The following BRD7 variants were observed in gnomAD, a reference collection of about 807,000 sequenced individuals.
BRD7 encodes the protein bromodomain containing 7.
Under a neutral mutation model 82.1 loss-of-function variants are expected in BRD7, and 15 were observed. The observed-to-expected ratio is 0.18, with a 90% confidence interval of 0.12 to 0.28. The LOEUF (loss-of-function observed/expected upper bound fraction) is 0.28, where lower values mean the gene tolerates loss of function less well. Among genes scored for constraint, BRD7 ranks in the 10% least tolerant of loss-of-function variants. The pLI is 1.00. For missense variants in BRD7, 638 were observed against 779.9 expected (o/e 0.82, Z 2.17); for synonymous variants, 232 against 266.9 (o/e 0.87, Z 1.27).
At chr16:50,331,609 G>A (rs1177931160) in intron 8 of BRD7, among the ~76,000 whole-genome samples, 1 of 152,218 alleles carries the variant, frequency 6.6e-6, no homozygotes, top group Non-Finnish European at 1.5e-5. Flanking sequence ...GGCTGAGGCA[G>A]GAGAATTGCT....
chr16:50,323,924 T>C (rs553996407), intron 11 of BRD7, among the ~76,000 whole-genome samples: 4 of 152,282 alleles, frequency 2.6e-5, no homozygotes. Context: ...GAAACCTCAG[T>C]GACGGGTGCA....
At chr16:50,366,426 T>C (rs1301562068) in intron 2 of BRD7, among the ~76,000 whole-genome samples, 1 of 152,254 alleles carries the variant, frequency 6.6e-6, no homozygotes, top group Non-Finnish European at 1.5e-5. Flanking sequence ...ATGAGTTTCA[T>C]AAATCTTAGA....
rs1402107779 is a variant in BRD7 at position 50,316,139 on chromosome 16, G to GA, written c.*3071dup. Reference sequence around the variant, plus strand: ...ACATTAATGGGGTTTTTATCCTTTTGAATGACTTTTCAGACACTAGACATA... The same window carrying GA: ...ACATTAATGGGGTTTTTATCCTTTTGAAATGACTTTTCAGACACTAGACATA... On this transcript the variant is annotated 3_prime_UTR_variant, in exon 17 of 17. Transcript: ENST00000394688. 7 of 152,594 alleles carry GA rather than the reference G, an allele frequency of 4.6e-5. No homozygotes were observed. The highest frequency in any genetic ancestry group is 1.7e-4 in the African/African-American group (7 of 41,452). The allele number at this position is 152,594 out of a possible 1,614,324, so 9.5% of individuals were successfully genotyped here. A position where few individuals can be genotyped will look rare whatever the true frequency, so the allele number is the denominator to read the frequency against.
chr16:50,348,735 A>T (rs770834870), intron 5 of BRD7, among the ~76,000 whole-genome samples: 6 of 152,338 alleles, frequency 3.9e-5, no homozygotes, highest in Admixed American at 2.0e-4. Context: ...TAGAACGGTG[A>T]TCATTAAAAA....
rs1481964024 is a variant in BRD7, at chr16:50,354,885, T to C, written c.296A>G (p.Asn99Ser). The change falls in exon 3 of 17, where the codon AAT becomes AGT. Residue 99 changes from asparagine (N) to serine (S), a missense_variant. This residue lies in a region of BRD7 where 172 missense variants were observed against 155.3 expected (regional missense o/e 1.11). Coordinates refer to ENST00000394688, the MANE Select transcript of BRD7 (RefSeq NM_013263.5). The part of the protein sequence containing the change: ...KKKRDRDRVE[N>S]EAEKDLQCHA... ...ACACTGGAGATCTTTTTCTGCCTCA[T>C]TCTCCACCCGGTCTCGATCTCGCTT... 4.3e-6 allele frequency: 7 copies of C among 1,613,812 alleles called. No homozygotes were observed. Among genetic ancestry groups the C allele is most frequent in the African/African-American group, 1.3e-5 (1 of 74,938 alleles).
intron 6 of BRD7, among the ~76,000 whole-genome samples, chr16:50,337,578 T>C (rs1003991748): frequency 6.6e-6 from 1 of 152,212 alleles, no homozygotes; most frequent in South Asian, 2.1e-4. Context: ...TCATTCTTTA[T>C]AAAAATAACA....
intron 6 of BRD7, 72 bp from the exon 7 acceptor site, chr16:50,334,967 C>T (rs2037737452): frequency 1.5e-6 from 2 of 1,308,300 alleles, no homozygotes; most frequent in East Asian, 2.4e-5. Flanking sequence ...TTTTTCCCCA[C>T]AGGAGTTTAT....
chr16:50,364,843 A>G (rs2039077302), intron 2 of BRD7, among the ~76,000 whole-genome samples: 1 of 152,246 alleles, frequency 6.6e-6, no homozygotes, highest in African/African-American at 2.4e-5. Flanking sequence ...TAAAACAAGA[A>G]ACGAAGAATA....
At position 50,320,506 on chromosome 16, in the gene BRD7, G is replaced by A. The variant is rs144150389; in HGVS notation, c.1613-115C>T. The A allele has an allele frequency of 2.2e-5, 33 of 1,484,252 alleles. No individual in the cohort carries two copies. The African/African-American group carries it at 2.4e-4, about 11-fold the overall frequency. The allele number at this position is 1,484,252 out of a possible 1,614,324, so 91.9% of individuals were successfully genotyped here. ...CCTTCTCCCTTCAAAAGAGTAATCC[G>A]CTTGAAATGACATCAACACGCCATA... On this transcript the variant is annotated intron_variant, in intron 14 of 16. Transcript: ENST00000394688.
intron 5 of BRD7, among the ~76,000 whole-genome samples, chr16:50,342,734 CTTATT>C (rs755365301): frequency 6.6e-6 from 1 of 152,052 alleles, no homozygotes. Context: ...AAGACACTAT[CTTATT>C]TTATTTTTAG....
Position 50,323,644 on chromosome 16 carries a change from A to C in BRD7, c.1386T>G (p.Ser462Arg). The C allele has an allele frequency of 6.2e-7, 1 of 1,613,866 alleles. No homozygotes were observed. The highest frequency in any genetic ancestry group is 8.5e-7 in the Non-Finnish European group (1 of 1,179,776). ...CTCCTTTTGTTAAAACATCCAGTAA[A>C]CTATCTGCCATGACATACGGATAAT... is the stretch of plus-strand genomic sequence containing the variant. ...CQDYPYVMAD[S>R]LLDVLTKGGH... The change falls in exon 12 of 17, where the codon AGT (serine) becomes AGG (arginine). Residue 462 changes from serine (S) to arginine (R), a missense_variant. By Grantham distance (110) the Ser-to-Arg change is moderately radical. Around this residue, in one of 3 missense-constraint regions of BRD7, gnomAD observed 402 missense variants for 500.8 expected, o/e 0.80. Coordinates refer to ENST00000394688, the MANE Select transcript of BRD7 (RefSeq NM_013263.5).
Position 50,319,846 on chromosome 16 carries a change from ACC to A in BRD7, c.1900+39_1900+40del, listed in dbSNP as rs761977688. 6.3e-6 allele frequency: 10 copies of A among 1,599,216 alleles called. No homozygotes were observed. The Admixed American group carries it at 1.7e-4, about 27-fold the overall frequency. On this transcript the variant is annotated intron_variant, in intron 16 of 16. Transcript: ENST00000394688. The stretch of plus-strand genomic sequence containing the variant: ...CAGACACTGAGGGATGACTATAGTC[ACC>A]ATAGCTTTCTGCTTTCCCAGAGAAA...
intron 5 of BRD7, 28 bp from the exon 6 acceptor site, chr16:50,340,114 T>C (rs2037984857): frequency 5.9e-6 from 8 of 1,346,892 alleles, no homozygotes; most frequent in Non-Finnish European, 8.2e-6. Context: ...AGGGAGAAAA[T>C]GCATTAATGC....
At chr16:50,363,681 G>A (rs1167968072) in intron 2 of BRD7, among the ~76,000 whole-genome samples, 4 of 127,694 alleles carry the variant, frequency 3.1e-5, no homozygotes, top group African/African-American at 5.4e-5. Flanking sequence ...GCGTGCGCGT[G>A]TGCTTCCCCC....
chr16:50,339,868 CCTG>C (rs1448956827), intron 6 of BRD7, 105 bp downstream of exon 6: 6 of 488,080 alleles, frequency 1.2e-5, no homozygotes, highest in African/African-American at 2.1e-5. Flanking sequence ...TATAATATAA[CCTG>C]CTAATAAAAT....
intron 8 of BRD7, 35 bp from the exon 9 acceptor site, chr16:50,328,779 T>C (rs2037443583): frequency 1.3e-6 from 2 of 1,590,386 alleles, no homozygotes; most frequent in Admixed American, 3.4e-5. Context: ...TGGAATGAAG[T>C]GTTTTATACA....
chr16:50,336,086 G>A (rs2037786209), intron 6 of BRD7, among the ~76,000 whole-genome samples: 1 of 151,990 alleles, frequency 6.6e-6, no homozygotes, highest in Non-Finnish European at 1.5e-5. Context: ...TTAGTAAAAA[G>A]CATTTTTTCA....
Position 50,317,671 on chromosome 16 carries a change from T to TAAC in BRD7, c.*1537_*1539dup, listed in dbSNP as rs2036867422. The TAAC allele has an allele frequency of 6.6e-6, 1 of 152,342 alleles. No individual in the cohort carries two copies. The highest frequency in any genetic ancestry group is 2.1e-4 in the South Asian group (1 of 4,830). The allele number at this position is 152,342 out of a possible 1,614,324, so 9.4% of individuals were successfully genotyped here. On this transcript the variant is annotated 3_prime_UTR_variant, in exon 17 of 17. Transcript: ENST00000394688. ...TTTTCAGTGTTCAGGTTATAGAATA[T>TAAC]AACTGACCATAAAAATTACCTGCAG...
intron 13 of BRD7, among the ~76,000 whole-genome samples, chr16:50,321,662 G>GGA (rs895540002): frequency 1.3e-4 from 19 of 150,266 alleles, no homozygotes; most frequent in African/African-American, 4.4e-4. Flanking sequence ...TTACTTTTTA[G>GGA]GAATAGATCA....
Sources: allele counts gnomAD v4.1 joint callset (sites outside exome capture counted in the v4.1 genomes callset), GRCh38; gene constraint gnomAD v4.1.1; regional missense constraint gnomAD v4.1.1; transcripts MANE v1.5; gene names NCBI Gene and HGNC (gene_info 2026-07-23, HGNC 2026-07-21).